PKP2: variants seen among roughly 807,000 people sequenced by gnomAD.
PKP2 encodes the protein plakophilin 2.
A neutral mutation model predicts 83.4 loss-of-function variants in PKP2; 73 were observed. The observed-to-expected ratio is 0.88, with a 90% CI of 0.72 to 1.06. The LOEUF is 1.06. Among genes scored for constraint, PKP2 ranks in the 50% least tolerant of loss-of-function variants. The pLI is 0.00. For missense variants in PKP2, 966 were observed against 1,065.4 expected, an observed-to-expected ratio of 0.91 and a Z score of 1.30; for synonymous variants, 409 against 430.4, an observed-to-expected ratio of 0.95 and a Z score of 0.62.
intron 4 of PKP2, among the ~76,000 whole-genome samples, chr12:32,865,956 T>C (rs928649678): frequency 6.6e-6 from 1 of 152,084 alleles, no homozygotes; most frequent in Admixed American, 6.5e-5. Flanking sequence ...AAAATATAGA[T>C]TATCTTCTAA....
chr12:32,895,255 G>A (rs1388973536), intron 1 of PKP2, among the ~76,000 whole-genome samples: 1 of 152,030 alleles, frequency 6.6e-6, no homozygotes, highest in Admixed American at 6.6e-5. Context: ...CACATAGTAT[G>A]CACTCAGTTA....
chr12:32,891,352 T>G (rs1957073894), intron 1 of PKP2, among the ~76,000 whole-genome samples: 2 of 152,200 alleles, frequency 1.3e-5, no homozygotes, highest in South Asian at 4.1e-4. Flanking sequence ...TATATTTCAT[T>G]ACTATCATAG....
chr12:32,822,765 G>A, intron 7 of PKP2, 134 bp from the exon 8 acceptor site: 1 of 881,996 alleles, frequency 1.1e-6, no homozygotes, highest in Admixed American at 1.9e-5. Context: ...CGGGTTGCCT[G>A]GGGGAAATGC....
intron 9 of PKP2, among the ~76,000 whole-genome samples, chr12:32,808,689 C>G (rs1404727872): frequency 1.3e-5 from 2 of 152,168 alleles, no homozygotes; most frequent in South Asian, 4.2e-4. Flanking sequence ...AGGCTGCTGA[C>G]TTCTGAAAAG....
At chr12:32,883,759 T>C (rs927949282) in intron 1 of PKP2, among the ~76,000 whole-genome samples, 1 of 152,182 alleles carries the variant, frequency 6.6e-6, no homozygotes, top group South Asian at 2.1e-4. Context: ...GTTAGATGCC[T>C]GTTTCCCGTA....
At chr12:32,801,674 C>T (rs192288145) in intron 10 of PKP2, among the ~76,000 whole-genome samples, 31 of 152,088 alleles carry the variant, frequency 2.0e-4, no homozygotes, top group Non-Finnish European at 3.5e-4. Context: ...TAGAAACGAC[C>T]GATTACAGAG....
At chr12:32,862,844 C>G (rs1447515064) in intron 4 of PKP2, among the ~76,000 whole-genome samples, 2 of 147,748 alleles carry the variant, frequency 1.4e-5, no homozygotes, top group Non-Finnish European at 3.0e-5. Context: ...ACTAAAAATA[C>G]AAAAATTAGC....
chr12:32,840,865 G>A (rs551276500), intron 6 of PKP2, among the ~76,000 whole-genome samples, 163 bp downstream of exon 6: 1 of 152,066 alleles, frequency 6.6e-6, no homozygotes, highest in African/African-American at 2.4e-5. Context: ...GCAACAGAGC[G>A]AGACTCTGTT....
rs1418008296 is a variant in PKP2 at position 32,791,713 on chromosome 12, T to TTTTA, written c.*707_*710dup. The TTTTA allele has an allele frequency of 2.6e-5, 4 of 152,196 alleles. No individual in the cohort carries two copies. The highest frequency in any genetic ancestry group is 7.2e-5 in the African/African-American group (3 of 41,466). 9.4% of individuals were successfully genotyped at this position (152,196 alleles called of 1,614,324 possible). On this transcript the variant is annotated 3_prime_UTR_variant, in exon 13 of 13. Transcript: ENST00000340811. ...CAGTTGCCTTTCTCTGTGGAAAAGA[T>TTTTA]TTTATTTATTTATTTATTTTTTATT... is the stretch of plus-strand genomic sequence containing the variant.
intron 6 of PKP2, among the ~76,000 whole-genome samples, chr12:32,834,270 T>C (rs1026904634): frequency 6.6e-6 from 1 of 152,128 alleles, no homozygotes. Context: ...GAAATTTAAA[T>C]AGTGGTTTGG....
At chr12:32,884,782 GTT>G (rs61601476) in intron 1 of PKP2, among the ~76,000 whole-genome samples, 21 of 141,324 alleles carry the variant, frequency 1.5e-4, no homozygotes, top group African/African-American at 5.4e-4. Context: ...TTGTAGAGCA[GTT>G]TTTTTTTTTT....
intron 4 of PKP2, among the ~76,000 whole-genome samples, chr12:32,862,656 G>T (rs1956810730): frequency 6.7e-6 from 1 of 149,650 alleles, no homozygotes; most frequent in Non-Finnish European, 1.5e-5. Context: ...AAAAAGAAAA[G>T]AAAAGAAAAG....
chr12:32,864,331 CACACACAT>C (rs1055648231), intron 4 of PKP2, among the ~76,000 whole-genome samples: 6 of 148,964 alleles, frequency 4.0e-5, no homozygotes, highest in African/African-American at 1.5e-4. Flanking sequence ...CACACACACA[CACACACAT>C]ACACACGTAA....
chr12:32,875,477 G>C (rs1449491409), intron 3 of PKP2, among the ~76,000 whole-genome samples: 1 of 152,178 alleles, frequency 6.6e-6, no homozygotes, highest in Non-Finnish European at 1.5e-5. Flanking sequence ...GAGAAGAGTA[G>C]AAGGAGAAGA....
chr12:32,851,128 C>T (rs1024769369), intron 4 of PKP2, among the ~76,000 whole-genome samples, 155 bp from the exon 5 acceptor site: 8 of 152,154 alleles, frequency 5.3e-5, no homozygotes, highest in African/African-American at 1.7e-4. Context: ...GTAGAATATA[C>T]CCCGGCTATA....
rs1046877386 is a variant in PKP2 at position 32,854,210 on chromosome 12, C to T, written c.1171-3237G>A. ...GATAGAATTAGTAAGAAGTGGCATA[C>T]GGAAGCCTCCCCAGCTCAGACCTGC... On this transcript the variant is annotated intron_variant, in intron 4 of 12. Transcript: ENST00000340811. Among the ~76,000 whole-genome samples the T allele has an allele frequency of 3.3e-5, 5 of 152,186 alleles. No individual in the cohort carries two copies. In the East Asian group the frequency reaches 5.8e-4, roughly 18 times the overall value.
In PKP2 at chr12:32,888,580, C is replaced by T. The variant is rs569692073; in HGVS notation, c.223+7929G>A. On this transcript the variant is annotated intron_variant, in intron 1 of 12. Transcript: ENST00000340811. ...TCTCGGCTCACCGCAACCTCCACTT[C>T]CCGGGTTCAAGTGATTCTCCTGCCT... 2.0e-5 allele frequency among the ~76,000 whole-genome samples: 3 copies of T among 151,876 alleles called. No homozygotes were observed. The South Asian group carries it at 6.2e-4, about 32-fold the overall frequency.
chr12:32,851,119 T>A (rs73303641), intron 4 of PKP2, 146 bp from the exon 5 acceptor site: 1 of 709,760 alleles, frequency 1.4e-6, no homozygotes, highest in Non-Finnish European at 2.5e-6. Context: ...GAGGCTCTTG[T>A]AGAATATACC....
intron 10 of PKP2, among the ~76,000 whole-genome samples, chr12:32,801,785 A>G (rs1360325191): frequency 8.7e-6 from 1 of 115,380 alleles, no homozygotes; most frequent in Non-Finnish European, 1.8e-5. Flanking sequence ...TCTTGGTATA[A>G]GCAAACAAAT....
Sources: allele counts gnomAD v4.1 joint callset (sites outside exome capture counted in the v4.1 genomes callset), GRCh38; gene constraint gnomAD v4.1.1; transcripts MANE v1.5; gene names NCBI Gene and HGNC (gene_info 2026-07-23, HGNC 2026-07-21).